FCHO1: variants seen among roughly 807,000 people sequenced by gnomAD.
FCHO1 encodes the protein FCH and mu domain containing endocytic adaptor 1.
A neutral mutation model predicts 114.4 loss-of-function variants in FCHO1; 45 were observed. The ratio of observed to expected loss-of-function variants is 0.39; its 90% confidence interval spans 0.31 to 0.50. The LOEUF (loss-of-function observed/expected upper bound fraction) is 0.50. Ranked by LOEUF, FCHO1 falls within the 20% of genes least tolerant of loss-of-function variation. The pLI is 0.77. For missense variants in FCHO1, 1,042 were observed against 1,209.6 expected (o/e 0.86, Z 2.06); for synonymous variants, 480 against 488.9 (o/e 0.98, Z 0.24).
chr19:17,787,031 C>G (rs1247639709), intron 27 of FCHO1, among the ~76,000 whole-genome samples: 1 of 151,400 alleles, frequency 6.6e-6, no homozygotes, highest in Non-Finnish European at 1.5e-5. Flanking sequence ...CAAGACCAAC[C>G]TGGCCAGCAT....
At position 17,772,541 on chromosome 19, in the gene FCHO1, G is replaced by T; in HGVS notation, c.679G>T (p.Val227Leu). 1 of 1,614,132 alleles carries T rather than the reference G, an allele frequency of 6.2e-7. No individual in the cohort carries two copies. Among genetic ancestry groups the T allele is most frequent in the Non-Finnish European group, 8.5e-7 (1 of 1,179,988 alleles). Residue 227 changes from valine (V) to leucine (L), a missense_variant, in exon 10 of 29, where the codon GTG becomes TTG. Val to Leu is a conservative substitution (Grantham distance 32, BLOSUM62 1). This residue lies in a region of FCHO1 where 450 missense variants were observed against 564.1 expected (regional missense o/e 0.80). Coordinates refer to ENST00000596536, the MANE Select transcript of FCHO1 (RefSeq NM_015122.3). The part of the protein sequence containing the change: ...SYAHSVEDTH[V>L]QIGQVHEEFK... Reference sequence around the variant, plus strand: ...TGCTCACTCGGTGGAGGACACGCACGTGCAGATTGGGCAGGTGAGTTGGGC... The same window carrying T: ...TGCTCACTCGGTGGAGGACACGCACTTGCAGATTGGGCAGGTGAGTTGGGC...
intron 20 of FCHO1, among the ~76,000 whole-genome samples, chr19:17,779,767 G>A (rs1461583699): frequency 6.6e-6 from 1 of 150,890 alleles, no homozygotes; most frequent in Non-Finnish European, 1.5e-5. Flanking sequence ...GGGAGGGGTG[G>A]GGGACGTCGA....
intron 20 of FCHO1, 128 bp downstream of exon 20, chr19:17,779,012 C>A: frequency 1.0e-6 from 1 of 1,000,586 alleles, no homozygotes; most frequent in East Asian, 2.8e-5. Context: ...AACCTCCCAC[C>A]GTTGCAGGGA....
At position 17,775,423 on chromosome 19, in the gene FCHO1, G is replaced by A. The variant is rs757185728; in HGVS notation, c.946-33G>A. On this transcript the variant is annotated intron_variant, in intron 14 of 28. Transcript: ENST00000596536. The surrounding 1 kb of genome is among the most constrained non-coding windows in gnomAD (Gnocchi z 5.1). ...GAGATGGAAGGTTCGATAGTGGGGC[G>A]CCTGACTCACTGCTGCCCCCTGACT... The A allele has an allele frequency of 2.4e-5, 38 of 1,598,994 alleles. No individual in the cohort carries two copies. In the South Asian group the frequency reaches 3.0e-4, roughly 13 times the overall value.
rs540486172 is a variant in FCHO1 at position 17,774,255 on chromosome 19, G to T, written c.807G>T (p.Glu269Asp). 6 of 1,614,108 alleles carry T rather than the reference G, an allele frequency of 3.7e-6. No homozygotes were observed. The African/African-American group carries it at 8.0e-5, about 22-fold the overall frequency. ...CTGTCTCAGGACCTCTGGACTTCGA[G>T]GCATACAGTGCGGCTGCCCTGCAGG... ...GREKPGPLDF[E>D]AYSAAALQEA... The change falls in exon 12 of 29, where the codon GAG becomes GAT. Residue 269 changes from glutamate (E) to aspartate (D), a missense_variant. Physicochemically the swap from Glu to Asp is conservative, Grantham distance 45 (BLOSUM62 2). Transcript: ENST00000596536.
chr19:17,778,156 T>C lies in FCHO1; in HGVS notation c.1279T>C (p.Ser427Pro). ...RTSSCAERLQ[S>P]EEQVSKNLFG... ...CTCTAGCTGTGCAGAGAGATTGCAG[T>C]CAGAGGAGCAGGTGTCCAAGAACCT... The change falls in exon 19 of 29, where the codon TCA (serine) becomes CCA (proline). Residue 427 changes from serine (S) to proline (P), a missense_variant. By Grantham distance (74) the Ser-to-Pro change is moderately conservative. Transcript: ENST00000596536. 2 of 1,613,866 alleles carry C rather than the reference T, an allele frequency of 1.2e-6. No individual in the cohort carries two copies. The highest frequency in any genetic ancestry group is 1.7e-6 in the Non-Finnish European group (2 of 1,179,918).
In FCHO1 at chr19:17,775,253, C is replaced by T. The variant is rs138005176; in HGVS notation, c.945+173C>T. ...CTCAGCTGCAAAGTCCCATGGACTA[C>T]GTGGGTGTGAATAATGTCCCTGCCG... On this transcript the variant is annotated intron_variant, in intron 14 of 28. Transcript: ENST00000596536. This position sits in a 1 kb window ranked among gnomAD's most constrained non-coding sequence, Gnocchi z 5.1. Among the ~76,000 whole-genome samples, 47 of 152,234 alleles carry T rather than the reference C, an allele frequency of 3.1e-4. No individual in the cohort carries two copies. The East Asian group carries it at 7.1e-3, about 23-fold the overall frequency.
chr19:17,774,895 C>T (rs2092395695), intron 13 of FCHO1, 161 bp from the exon 14 acceptor site: 1 of 717,982 alleles, frequency 1.4e-6, no homozygotes. Flanking sequence ...ATTCAACCCC[C>T]TCCCCAAGCA....
In FCHO1 at chr19:17,784,248, C is replaced by T; in HGVS notation, c.2226+13C>T. ...GCTGCGATACCAGGTGCGCCACCCG[C>T]ATGGGGCCGGGAGGAGGTGGTGGAG... On this transcript the variant is annotated intron_variant, in intron 25 of 28. Coordinates refer to ENST00000596536, the MANE Select transcript of FCHO1 (RefSeq NM_015122.3). The surrounding 1 kb of genome is among the most constrained non-coding windows in gnomAD (Gnocchi z 5.3). 1 of 1,588,196 alleles carries T rather than the reference C, an allele frequency of 6.3e-7. No individual in the cohort carries two copies. The highest frequency in any genetic ancestry group is 1.3e-5 in the African/African-American group (1 of 74,378).
At chr19:17,771,116 A>C (rs570344352) in intron 9 of FCHO1, among the ~76,000 whole-genome samples, 1 of 151,926 alleles carries the variant, frequency 6.6e-6, no homozygotes, top group East Asian at 1.9e-4. Context: ...AGCCGGGCGT[A>C]GTGGCAGGTG....
At chr19:17,771,210 C>T (rs2091406475) in intron 9 of FCHO1, among the ~76,000 whole-genome samples, 1 of 151,344 alleles carries the variant, frequency 6.6e-6, no homozygotes, top group Non-Finnish European at 1.5e-5. Flanking sequence ...CAAGATCGAG[C>T]CATTGTACTC....
intron 28 of FCHO1, 43 bp from the exon 29 acceptor site, chr19:17,788,241 C>T: frequency 2.4e-6 from 2 of 820,348 alleles, no homozygotes; most frequent in Non-Finnish European, 4.0e-6. Context: ...CCCTCCCGTA[C>T]CCCTCCTCCC....
Position 17,776,398 on chromosome 19 carries a change from C to A in FCHO1, c.1207+127C>A. The A allele has an allele frequency of 7.9e-7, 1 of 1,261,956 alleles. No homozygotes were observed. Among genetic ancestry groups the A allele is most frequent in the Non-Finnish European group, 1.2e-6 (1 of 860,978 alleles). The allele number at this position is 1,261,956 out of a possible 1,614,324, so 78.2% of individuals were successfully genotyped here. A position where few individuals can be genotyped will look rare whatever the true frequency, so the allele number is the denominator to read the frequency against. ...CTTAACCACACTGACCTTCAGTCTCCTTTTCTGTAAAATGAGGTCATTATG... is the reference window on the plus strand; with the variant it reads ...CTTAACCACACTGACCTTCAGTCTCATTTTCTGTAAAATGAGGTCATTATG... On this transcript the variant is annotated intron_variant, in intron 17 of 28. Coordinates refer to ENST00000596536, the MANE Select transcript of FCHO1 (RefSeq NM_015122.3). This position sits in a 1 kb window ranked among gnomAD's most constrained non-coding sequence, Gnocchi z 4.4.
rs377542730 is a variant in FCHO1, at chr19:17,784,250, T to A, written c.2226+15T>A. ...TGCGATACCAGGTGCGCCACCCGCATGGGGCCGGGAGGAGGTGGTGGAGTG... is the reference window on the plus strand; with the variant it reads ...TGCGATACCAGGTGCGCCACCCGCAAGGGGCCGGGAGGAGGTGGTGGAGTG... On this transcript the variant is annotated intron_variant, in intron 25 of 28. Coordinates refer to ENST00000596536, the MANE Select transcript of FCHO1 (RefSeq NM_015122.3). This position sits in a 1 kb window ranked among gnomAD's most constrained non-coding sequence, Gnocchi z 5.3. 4 of 1,585,962 alleles carry A rather than the reference T, an allele frequency of 2.5e-6. No individual in the cohort carries two copies. Among genetic ancestry groups the A allele is most frequent in the Non-Finnish European group, 3.4e-6 (4 of 1,166,482 alleles).
chr19:17,754,834 C>A, intron 3 of FCHO1, 153 bp downstream of exon 3: 1 of 369,052 alleles, frequency 2.7e-6, no homozygotes, highest in Non-Finnish European at 5.1e-6. Flanking sequence ...ACATTCCATG[C>A]CCCCTCCTCC....
chr19:17,748,626 G>A (rs1450102257), upstream of FCHO1, among the ~76,000 whole-genome samples: 2 of 151,334 alleles, frequency 1.3e-5, no homozygotes, highest in South Asian at 2.1e-4. Context: ...AGTGGGGTGC[G>A]GAGGAGGCTT....
Position 17,775,254 on chromosome 19 carries a change from G to C in FCHO1, c.945+174G>C, listed in dbSNP as rs1817117666. ...TCAGCTGCAAAGTCCCATGGACTAC[G>C]TGGGTGTGAATAATGTCCCTGCCGA... On this transcript the variant is annotated intron_variant, in intron 14 of 28. Coordinates refer to ENST00000596536, the MANE Select transcript of FCHO1 (RefSeq NM_015122.3). The surrounding 1 kb of genome is among the most constrained non-coding windows in gnomAD (Gnocchi z 5.1). 6.6e-6 allele frequency among the ~76,000 whole-genome samples: 1 copy of C among 152,156 alleles called. No individual in the cohort carries two copies. The highest frequency in any genetic ancestry group is 1.5e-5 in the Non-Finnish European group (1 of 68,028).
Position 17,776,566 on chromosome 19 carries a change from T to A in FCHO1, c.1208-69T>A. On this transcript the variant is annotated intron_variant, in intron 17 of 28. Coordinates refer to ENST00000596536, the MANE Select transcript of FCHO1 (RefSeq NM_015122.3). This position sits in a 1 kb window ranked among gnomAD's most constrained non-coding sequence, Gnocchi z 4.4. ...CTGGACACCCCCGAGCCTCGGTCCC[T>A]TGGTCTGTGGAGTGGGGAGCATTGC... 6.4e-7 allele frequency: 1 copy of A among 1,571,792 alleles called. No homozygotes were observed. The highest frequency in any genetic ancestry group is 8.8e-7 in the Non-Finnish European group (1 of 1,142,106).
intron 4 of FCHO1, chr19:17,758,649 C>G (rs754848161): frequency 1.3e-5 from 2 of 152,210 alleles, no homozygotes; most frequent in Non-Finnish European, 2.9e-5. Context: ...CAGCAGGAAA[C>G]GTTACCTAGC....
Sources: gnomAD v4.1 joint callset for allele counts (sites outside exome capture counted in the v4.1 genomes callset) on GRCh38, gnomAD v4.1.1 for gene constraint, gnomAD v4.1.1 regional missense constraint, Gnocchi (gnomAD v3.1) non-coding constraint, MANE v1.5 for transcripts, NCBI Gene and HGNC (gene_info 2026-07-23, HGNC 2026-07-21) for gene names.